CEP104: variants seen among roughly 807,000 people sequenced by gnomAD.
The protein encoded by CEP104 is centrosomal protein of 104 kDa.
A neutral mutation model predicts 113.3 loss-of-function variants in CEP104; 84 were observed. The observed-to-expected ratio is 0.74, with a 90% CI of 0.62 to 0.89. The LOEUF is 0.89. Ranked by LOEUF, CEP104 falls within the 40% of genes least tolerant of loss-of-function variation. The probability of loss-of-function intolerance (pLI) is 0.00; values close to 1 mark genes in which losing one functional copy is unlikely to be tolerated. For synonymous variants in CEP104, 378 were observed against 421.7 expected, an observed-to-expected ratio of 0.90 and a Z score of 1.27; for missense variants, 1,053 against 1,156.6, an observed-to-expected ratio of 0.91 and a Z score of 1.30.
intron 18 of CEP104, among the ~76,000 whole-genome samples, chr1:3,824,894 G>C (rs1363323029): frequency 6.9e-6 from 1 of 145,448 alleles, no homozygotes; most frequent in Non-Finnish European, 1.5e-5. Flanking sequence ...GGCACCGTGG[G>C]AAGGGGGCAG....
chr1:3,845,164 A>G, intron 5 of CEP104, 125 bp downstream of exon 5: 2 of 863,634 alleles, frequency 2.3e-6, no homozygotes, highest in Non-Finnish European at 3.7e-6. Flanking sequence ...AAATCATCTG[A>G]AAGTTATTCA....
At chr1:3,855,046 AT>A (rs1570867321) in intron 1 of CEP104, among the ~76,000 whole-genome samples, 1 of 142,148 alleles carries the variant, frequency 7.0e-6, no homozygotes, top group East Asian at 2.2e-4. Flanking sequence ...TAATTTTTGT[AT>A]TTTTAGTAGA....
intron 6 of CEP104, among the ~76,000 whole-genome samples, chr1:3,840,212 A>G (rs1485463090): frequency 1.3e-5 from 2 of 152,266 alleles, no homozygotes; most frequent in East Asian, 1.9e-4. Flanking sequence ...CAGGCGCCGT[A>G]TTTTATAACA....
intron 10 of CEP104, 72 bp from the exon 11 acceptor site, chr1:3,835,164 GTT>G: frequency 9.9e-7 from 1 of 1,009,548 alleles, no homozygotes; most frequent in Non-Finnish European, 1.3e-6. Flanking sequence ...TGAAGGCTTT[GTT>G]TTTTTTTTAA....
At chr1:3,825,695 G>T in intron 18 of CEP104, 63 bp downstream of exon 18, 3 of 1,069,818 alleles carry the variant, frequency 2.8e-6, no homozygotes, top group Non-Finnish European at 4.3e-6. Flanking sequence ...TTTTGACTCG[G>T]CCTTTCAACA....
chr1:3,822,963 C>T (rs1422784694), intron 20 of CEP104: 1 of 585,070 alleles, frequency 1.7e-6, no homozygotes, highest in Non-Finnish European at 3.1e-6. Context: ...CTCGATAAAC[C>T]ATTCATAAAT....
intron 10 of CEP104, 53 bp downstream of exon 10, chr1:3,836,442 T>C (rs1241591313): frequency 3.0e-5 from 47 of 1,562,996 alleles, no homozygotes; most frequent in Non-Finnish European, 4.0e-5. Flanking sequence ...GCGTACCATA[T>C]AGACTAGCCT....
chr1:3,828,056 T>C (rs1021593345), intron 15 of CEP104, among the ~76,000 whole-genome samples: 1 of 151,262 alleles, frequency 6.6e-6, no homozygotes, highest in African/African-American at 2.4e-5. Flanking sequence ...CCCATGAGCA[T>C]AGGAGACCCC....
In CEP104 at chr1:3,835,092, C is replaced by G. The variant is rs775145569; in HGVS notation, c.1318G>C (p.Val440Leu). Reference protein sequence around the residue: ...SAIDVLGETLVAEAYCKTWSY... With the variant: ...SAIDVLGETLLAEAYCKTWSY... ...CACGTCTTACAATAGGCCTCAGCAA[C>G]CTACCACAAAACAGGCAGCATTTCA... Residue 440 changes from valine to leucine, a missense_variant and splice_region_variant, in exon 11 of 22, where the codon GTT becomes CTT. Transcript: ENST00000378230. 3 of 1,611,080 alleles carry G rather than the reference C, an allele frequency of 1.9e-6. No individual in the cohort carries two copies. The African/African-American group carries it at 4.0e-5, about 22-fold the overall frequency.
At chr1:3,821,226 C>T (rs145311244) in intron 20 of CEP104, among the ~76,000 whole-genome samples, 1 of 152,340 alleles carries the variant, frequency 6.6e-6, no homozygotes, top group Non-Finnish European at 1.5e-5. Flanking sequence ...GGCTCTCATC[C>T]AGGCCTCAGG....
chr1:3,854,635 A>AT (rs34466194), intron 1 of CEP104, among the ~76,000 whole-genome samples: 4,576 of 125,976 alleles, frequency 0.036, 279 homozygotes, highest in African/African-American at 0.13. Context: ...TGCCTGGCTA[A>AT]TTTTTTTTTT....
chr1:3,849,911 C>T (rs1426049226), intron 2 of CEP104, among the ~76,000 whole-genome samples: 2 of 152,058 alleles, frequency 1.3e-5, no homozygotes, highest in African/African-American at 4.8e-5. Flanking sequence ...CAGTCATGCA[C>T]TGCATGAGAC....
rs1368473652 is a variant in CEP104, at chr1:3,814,986, C to T, written c.*416G>A. 6.0e-6 allele frequency: 1 copy of T among 168,056 alleles called. No individual in the cohort carries two copies. The highest frequency in any genetic ancestry group is 1.3e-5 in the Non-Finnish European group (1 of 76,412). The allele number at this position is 168,056 out of a possible 1,614,324, so 10.4% of individuals were successfully genotyped here. ...AAATTCTACTGCGTGTGGCAGAGAC[C>T]GATGTGCAAAAGGTTTCTGGTGAAT... On this transcript the variant is annotated 3_prime_UTR_variant, in exon 22 of 22. Transcript: ENST00000378230.
rs1644751654 is a variant in CEP104, at chr1:3,857,093, C to A, written c.-219G>T. 6.6e-6 allele frequency: 1 copy of A among 152,278 alleles called. No homozygotes were observed. Among genetic ancestry groups the A allele is most frequent in the East Asian group, 1.9e-4 (1 of 5,168 alleles). 9.4% of individuals were successfully genotyped at this position (152,278 alleles called of 1,614,324 possible). On this transcript the variant is annotated 5_prime_UTR_variant, in exon 1 of 22. Transcript: ENST00000378230. Reference sequence around the variant, plus strand: ...AACTCGGGGGGCGCCCCTTCCGCCGCCCCAGGCCGCCTTGCACCCCAAGCT... The same window carrying A: ...AACTCGGGGGGCGCCCCTTCCGCCGACCCAGGCCGCCTTGCACCCCAAGCT...
At chr1:3,843,385 T>G in intron 6 of CEP104, 1 of 546,772 alleles carries the variant, frequency 1.8e-6, no homozygotes, top group East Asian at 3.0e-5. Flanking sequence ...AATTTTTTTT[T>G]TTTTTTTTTG....
chr1:3,821,101 G>C (rs565434996), intron 20 of CEP104, among the ~76,000 whole-genome samples: 2 of 152,214 alleles, frequency 1.3e-5, no homozygotes, highest in African/African-American at 4.8e-5. Context: ...GGCCCCCAGC[G>C]CTGTCCTGAG....
At position 3,812,301 on chromosome 1, in the gene CEP104, A is replaced by G. The variant is rs1359451475; in HGVS notation, c.*3101T>C. 6.6e-6 allele frequency: 1 copy of G among 152,220 alleles called. No individual in the cohort carries two copies. Among genetic ancestry groups the G allele is most frequent in the Non-Finnish European group, 1.5e-5 (1 of 68,038 alleles). 9.4% of individuals were successfully genotyped at this position (152,220 alleles called of 1,614,324 possible). On this transcript the variant is annotated 3_prime_UTR_variant, in exon 22 of 22. Coordinates refer to ENST00000378230, the MANE Select transcript of CEP104 (RefSeq NM_014704.4). ...CCAATTTATACATACAATTCTTTTAAGTTAGATTTAATGGAATATCTTAAC... is the reference window on the plus strand; with the variant it reads ...CCAATTTATACATACAATTCTTTTAGGTTAGATTTAATGGAATATCTTAAC...
At chr1:3,842,079 G>T (rs1395305374) in intron 6 of CEP104, among the ~76,000 whole-genome samples, 1 of 145,554 alleles carries the variant, frequency 6.9e-6, no homozygotes, top group East Asian at 1.9e-4. Flanking sequence ...TGAGAAGCTG[G>T]TGTTATTTTT....
chr1:3,855,990 C>T lies in CEP104; in HGVS notation c.-15+899G>A, dbSNP rs1013262671. On this transcript the variant is annotated intron_variant, in intron 1 of 21. Coordinates refer to ENST00000378230, the MANE Select transcript of CEP104 (RefSeq NM_014704.4). ...CATGGCGGTCTCATCCCTCACTACA[C>T]TTTTCCTAGTGCTGGCATGGTAAAA... is the stretch of plus-strand genomic sequence containing the variant. The T allele has an allele frequency of 1.2e-5, 12 of 969,460 alleles. No individual in the cohort carries two copies. In the African/African-American group the frequency reaches 1.9e-4, roughly 16 times the overall value. 60.1% of individuals were successfully genotyped at this position (969,460 alleles called of 1,614,324 possible).
Sources: gnomAD v4.1 joint callset for allele counts (sites outside exome capture counted in the v4.1 genomes callset) on GRCh38, gnomAD v4.1.1 for gene constraint, MANE v1.5 for transcripts, NCBI Gene and HGNC (gene_info 2026-07-23, HGNC 2026-07-21) for gene names.